The following NSD1 variants were observed in gnomAD, a reference collection of about 807,000 sequenced individuals.
NSD1 encodes the protein nuclear receptor binding SET domain protein 1, also known as histone-lysine N-methyltransferase, H3 lysine-36 specific.
A neutral mutation model predicts 242.7 loss-of-function variants in NSD1; 26 were observed. That is an observed-to-expected ratio of 0.11 (90% confidence interval 0.08 to 0.15). The LOEUF (loss-of-function observed/expected upper bound fraction) is 0.15. Ranked by LOEUF, NSD1 falls within the 10% of genes least tolerant of loss-of-function variation. The pLI is 1.00. For missense variants in NSD1, 2,495 were observed against 3,272.8 expected (o/e 0.76, Z 5.80); for synonymous variants, 1,106 against 1,178.1 (o/e 0.94, Z 1.25).
At chr5:177,143,469 A>G (rs969550959) in intron 2 of NSD1, among the ~76,000 whole-genome samples, 3 of 151,592 alleles carry the variant, frequency 2.0e-5, no homozygotes, top group Non-Finnish European at 2.9e-5. Flanking sequence ...TTACAGGTGC[A>G]TGCCACCACG....
Position 177,295,167 on chromosome 5 carries a change from T to C in NSD1, c.7799T>C (p.Phe2600Ser), listed in dbSNP as rs377511396. 5.0e-6 allele frequency: 8 copies of C among 1,614,160 alleles called. No individual in the cohort carries two copies. The highest frequency in any genetic ancestry group is 6.8e-6 in the Non-Finnish European group (8 of 1,180,030). The change falls in exon 23 of 23, where the codon TTT becomes TCT. Residue 2600 changes from phenylalanine to serine, a missense_variant. Physicochemically the swap from Phe to Ser is radical, Grantham distance 155 (BLOSUM62 -2). This residue lies in a region of NSD1 where 475 missense variants were observed against 563.7 expected (regional missense o/e 0.84). Transcript: ENST00000439151. This position sits in a 1 kb window ranked among gnomAD's most constrained non-coding sequence, Gnocchi z 4.3. ...CTTGCCGCCAAGAGTGGGCAATCTT[T>C]TAGGTCTCTCGGGAAGGCCCCAGCC... Reference protein sequence around the residue: ...PALAAKSGQSFRSLGKAPASL... With the variant: ...PALAAKSGQSSRSLGKAPASL...
At chr5:177,260,460 C>T (rs991649377) in intron 14 of NSD1, among the ~76,000 whole-genome samples, 2 of 150,320 alleles carry the variant, frequency 1.3e-5, no homozygotes, top group African/African-American at 4.9e-5. Context: ...AGTTCTCCTG[C>T]CTCAGCCTCC....
intron 2 of NSD1, among the ~76,000 whole-genome samples, chr5:177,184,989 A>G (rs1352639649): frequency 1.3e-5 from 2 of 152,142 alleles, no homozygotes; most frequent in Non-Finnish European, 2.9e-5. Context: ...TTTGTCTTAT[A>G]TATTGCTGTC....
In NSD1 at chr5:177,298,375, A is replaced by G. The variant is rs1392807365; in HGVS notation, c.*2916A>G. The stretch of plus-strand genomic sequence containing the variant: ...GACAAGGCAAAAGTTGAAATTCTCC[A>G]TGGGTAGCTAGAAAGCCAATACATC... On this transcript the variant is annotated 3_prime_UTR_variant, in exon 23 of 23. Coordinates refer to ENST00000439151, the MANE Select transcript of NSD1 (RefSeq NM_022455.5). 4.3e-5 allele frequency: 10 copies of G among 233,160 alleles called. No individual in the cohort carries two copies. Among genetic ancestry groups the G allele is most frequent in the Non-Finnish European group, 6.8e-5 (8 of 118,036 alleles). The allele number at this position is 233,160 out of a possible 1,614,324, so 14.4% of individuals were successfully genotyped here.
At chr5:177,192,236 G>A (rs1424885742) in intron 3 of NSD1, among the ~76,000 whole-genome samples, 11 of 151,702 alleles carry the variant, frequency 7.3e-5, no homozygotes, top group Admixed American at 6.6e-4. Context: ...TTGAGACGGA[G>A]TCTCGCTCTT....
intron 2 of NSD1, among the ~76,000 whole-genome samples, chr5:177,183,093 ATTT>A (rs1043962913): frequency 6.6e-6 from 1 of 151,888 alleles, no homozygotes; most frequent in Non-Finnish European, 1.5e-5. Flanking sequence ...AAGGGGTAAA[ATTT>A]TTTTGTTTGT....
chr5:177,188,199 T>C (rs1248881099), intron 2 of NSD1, among the ~76,000 whole-genome samples: 1 of 152,240 alleles, frequency 6.6e-6, no homozygotes, highest in African/African-American at 2.4e-5. Flanking sequence ...GGATTTATTT[T>C]AGTGTCTGTC....
At chr5:177,244,293 A>G in intron 9 of NSD1, 23 bp downstream of exon 9, 1 of 1,539,800 alleles carries the variant, frequency 6.5e-7, no homozygotes, top group Non-Finnish European at 9.0e-7. Flanking sequence ...GAGATTTAAA[A>G]AACGTAATGC....
chr5:177,181,560 G>A (rs1429816500), intron 2 of NSD1, among the ~76,000 whole-genome samples: 1 of 151,296 alleles, frequency 6.6e-6, no homozygotes, highest in Admixed American at 6.6e-5. Flanking sequence ...TGAATAGCTG[G>A]GATTACAGGT....
Position 177,210,538 on chromosome 5 carries a change from G to T in NSD1, c.2139G>T (p.Met713Ile). The T allele has an allele frequency of 6.2e-7, 1 of 1,614,140 alleles. No homozygotes were observed. Among genetic ancestry groups the T allele is most frequent in the East Asian group, 2.2e-5 (1 of 44,884 alleles). ...LISNSHTDHLMGCTKSAEPGT... is the reference protein window; with the variant it reads ...LISNSHTDHLIGCTKSAEPGT... ...GTAACTCACATACAGACCACTTAAT[G>T]GGTTGTACTAAGAGTGCAGAGCCTG... is the stretch of plus-strand genomic sequence containing the variant. Residue 713 changes from methionine to isoleucine, a missense_variant, in exon 5 of 23, where the codon ATG becomes ATT. By Grantham distance (10) the Met-to-Ile change is conservative. Coordinates refer to ENST00000439151, the MANE Select transcript of NSD1 (RefSeq NM_022455.5).
intron 12 of NSD1, among the ~76,000 whole-genome samples, chr5:177,252,786 T>G (rs539722955): frequency 2.7e-5 from 4 of 147,878 alleles, no homozygotes; most frequent in Admixed American, 1.3e-4. Flanking sequence ...GTTCTCTCGC[T>G]CTCTCTCTCC....
intron 17 of NSD1, among the ~76,000 whole-genome samples, chr5:177,274,052 G>C (rs1758155669): frequency 6.6e-6 from 1 of 152,162 alleles, no homozygotes; most frequent in African/African-American, 2.4e-5. Context: ...TACTTGGGAG[G>C]CTGAGGCTGG....
chr5:177,250,985 T>A (rs1174871564), intron 11 of NSD1, among the ~76,000 whole-genome samples: 6 of 151,784 alleles, frequency 4.0e-5, no homozygotes, highest in Non-Finnish European at 8.8e-5. Flanking sequence ...AGGTGAGGAG[T>A]TTGAGACCAG....
Position 177,294,642 on chromosome 5 carries a change from T to G in NSD1, c.7274T>G (p.Leu2425Arg), listed in dbSNP as rs773860070. 2 of 1,614,226 alleles carry G rather than the reference T, an allele frequency of 1.2e-6. No homozygotes were observed. Among genetic ancestry groups the G allele is most frequent in the Non-Finnish European group, 1.7e-6 (2 of 1,180,042 alleles). Residue 2425 changes from leucine (L) to arginine (R), a missense_variant, in exon 23 of 23, where the codon CTA becomes CGA. By Grantham distance (102) the Leu-to-Arg change is moderately radical. This residue lies in a region of NSD1 where 475 missense variants were observed against 563.7 expected (regional missense o/e 0.84). Transcript: ENST00000439151. ...AGACTCCCACCTCCTGAGAAAGTAC[T>G]ATCAGCTGTGGTCCAGACCCTTGTA... ...SQRLPPPEKV[L>R]SAVVQTLVAK...
At position 177,257,224 on chromosome 5, in the gene NSD1, C is replaced by CT. The variant is rs1343529552; in HGVS notation, c.4966+76dup. On this transcript the variant is annotated intron_variant, in intron 13 of 22. Transcript: ENST00000439151. Reference sequence around the variant, plus strand: ...ATTGGCAACAGATATTTTCTTTTTTCTTTCTTTTTTTTTTTTTTTTTTTGG... The same window carrying CT: ...ATTGGCAACAGATATTTTCTTTTTTCTTTTCTTTTTTTTTTTTTTTTTTTGG... The CT allele has an allele frequency of 6.7e-4, 603 of 897,598 alleles. 4 individuals are homozygous for CT. Among genetic ancestry groups the CT allele is most frequent in the Middle Eastern group, 4.3e-3 (13 of 3,000 alleles). The allele number at this position is 897,598 out of a possible 1,614,324, so 55.6% of individuals were successfully genotyped here.
intron 2 of NSD1, among the ~76,000 whole-genome samples, chr5:177,146,938 C>T (rs1045534815): frequency 4.0e-5 from 6 of 150,760 alleles, no homozygotes; most frequent in Non-Finnish European, 7.4e-5. Flanking sequence ...ACCCAGGAGG[C>T]GGAAGTTGCA....
chr5:177,213,036 T>C (rs1763484448), intron 5 of NSD1, among the ~76,000 whole-genome samples: 1 of 152,220 alleles, frequency 6.6e-6, no homozygotes, highest in Non-Finnish European at 1.5e-5. Flanking sequence ...TCTGTAGTAC[T>C]TATTTGAAGG....
At chr5:177,251,076 G>T (rs1447791263) in intron 11 of NSD1, among the ~76,000 whole-genome samples, 1 of 152,036 alleles carries the variant, frequency 6.6e-6, no homozygotes, top group Non-Finnish European at 1.5e-5. Context: ...TGTAATCCCA[G>T]CTACTCGGGA....
chr5:177,266,159 G>A, intron 14 of NSD1: 1 of 1,080,392 alleles, frequency 9.3e-7, no homozygotes, highest in Non-Finnish European at 1.4e-6. Context: ...CGGGCATAGA[G>A]CACAGTGTTG....
Sources: gnomAD v4.1 joint callset for allele counts (sites outside exome capture counted in the v4.1 genomes callset) on GRCh38, gnomAD v4.1.1 for gene constraint, gnomAD v4.1.1 regional missense constraint, Gnocchi (gnomAD v3.1) non-coding constraint, MANE v1.5 for transcripts, NCBI Gene and HGNC (gene_info 2026-07-23, HGNC 2026-07-21) for gene names.